Variants in RABGAP1 observed in about 807,000 individuals in gnomAD.
RABGAP1 encodes rab GTPase-activating protein 1.
Under a neutral mutation model 137.6 loss-of-function variants are expected in RABGAP1, and 23 were observed. The ratio of observed to expected loss-of-function variants is 0.17; its 90% CI spans 0.12 to 0.24. RABGAP1 has a LOEUF of 0.24. Ranked by LOEUF, RABGAP1 falls within the 10% of genes least tolerant of loss-of-function variation. The pLI is 1.00. For synonymous variants in RABGAP1, 451 were observed against 450.7 expected (o/e 1.00, Z -0.01); for missense variants, 906 against 1,275.8 (o/e 0.71, Z 4.42).
chr9:123,073,105 G>A (rs2034407615), intron 15 of RABGAP1, among the ~76,000 whole-genome samples: 1 of 152,140 alleles, frequency 6.6e-6, no homozygotes, highest in African/African-American at 2.4e-5. Context: ...GAATGAAATA[G>A]CAGCTAAGGG....
intron 13 of RABGAP1, among the ~76,000 whole-genome samples, chr9:123,057,111 C>T (rs1282377906): frequency 6.7e-6 from 1 of 149,404 alleles, no homozygotes; most frequent in Non-Finnish European, 1.5e-5. Context: ...GGGGCTGACC[C>T]CCCCACCTCC....
At chr9:122,965,340 A>G (rs537202520) in intron 2 of RABGAP1, among the ~76,000 whole-genome samples, 47 of 152,282 alleles carry the variant, frequency 3.1e-4, no homozygotes, top group African/African-American at 1.1e-3. Flanking sequence ...GGGAATAGAA[A>G]GGTGATAACT....
chr9:123,027,652 C>T, intron 13 of RABGAP1, among the ~76,000 whole-genome samples: 1 of 152,144 alleles, frequency 6.6e-6, no homozygotes, highest in African/African-American at 2.4e-5. Context: ...GAATGTTGGC[C>T]ATGGAGGAGG....
intron 2 of RABGAP1, 24 bp downstream of exon 2, chr9:122,957,233 G>T: frequency 6.7e-7 from 1 of 1,483,436 alleles, no homozygotes; most frequent in South Asian, 1.4e-5. Context: ...ACCTAAGATT[G>T]TTTTGCTTAG....
At chr9:122,992,099 C>T (rs538500507) in intron 6 of RABGAP1, among the ~76,000 whole-genome samples, 4 of 151,974 alleles carry the variant, frequency 2.6e-5, no homozygotes, top group South Asian at 2.1e-4. Context: ...TGTAGTGGCA[C>T]GATCACGGTT....
chr9:123,068,093 C>T (rs923952889), intron 14 of RABGAP1, among the ~76,000 whole-genome samples: 1 of 152,080 alleles, frequency 6.6e-6, no homozygotes, highest in Non-Finnish European at 1.5e-5. Flanking sequence ...CTTATGCTTA[C>T]AATCCCAGGA....
chr9:123,053,099 A>G (rs777158248), intron 13 of RABGAP1, among the ~76,000 whole-genome samples: 1 of 152,190 alleles, frequency 6.6e-6, no homozygotes, highest in Non-Finnish European at 1.5e-5. Flanking sequence ...TGGGTTCAGT[A>G]TTTAATTTTA....
chr9:122,972,615 A>G (rs1835527543), intron 2 of RABGAP1, among the ~76,000 whole-genome samples: 4 of 152,288 alleles, frequency 2.6e-5, no homozygotes, highest in Non-Finnish European at 1.5e-5. Flanking sequence ...TAAATAGGCT[A>G]TATCTCTTGA....
chr9:123,005,293 T>C (rs1352500694), intron 10 of RABGAP1, among the ~76,000 whole-genome samples: 1 of 151,698 alleles, frequency 6.6e-6, no homozygotes, highest in Non-Finnish European at 1.5e-5. Flanking sequence ...TTGGGATTTT[T>C]TTTTTTCCTT....
In RABGAP1 at chr9:123,015,525, G is replaced by A. The variant is rs376310540; in HGVS notation, c.1550-18G>A. ...TAGCCATCTCTGTTACCGTTTTTGT[G>A]TGTTTTGTTTATTATAGATAATGAT... On this transcript the variant is annotated intron_variant, in intron 11 of 25. Coordinates refer to ENST00000373647, the MANE Select transcript of RABGAP1 (RefSeq NM_012197.4). 31 of 1,529,580 alleles carry A rather than the reference G, an allele frequency of 2.0e-5. No homozygotes were observed. Among genetic ancestry groups the A allele is most frequent in the Admixed American group, 1.4e-4 (8 of 57,418 alleles). 94.8% of individuals were successfully genotyped at this position (1,529,580 alleles called of 1,614,324 possible). A position where few individuals can be genotyped will look rare whatever the true frequency, so the allele number is the denominator to read the frequency against.
chr9:122,950,514 C>T (rs777727779), intron 1 of RABGAP1, among the ~76,000 whole-genome samples: 1 of 151,252 alleles, frequency 6.6e-6, no homozygotes, highest in Non-Finnish European at 1.5e-5. Context: ...TTGAGATGAC[C>T]ATAGGACGCA....
rs565876968 is a variant in RABGAP1 at position 123,018,526 on chromosome 9, A to G, written c.1644-1783A>G. Among the ~76,000 whole-genome samples the G allele has an allele frequency of 2.0e-5, 3 of 152,338 alleles. No homozygotes were observed. In the East Asian group the frequency reaches 5.8e-4, roughly 29 times the overall value. On this transcript the variant is annotated intron_variant, in intron 12 of 25. Coordinates refer to ENST00000373647, the MANE Select transcript of RABGAP1 (RefSeq NM_012197.4). ...AAATAAGCATGACTGTGTTTCAGTA[A>G]AAGTTTATTTATGAGAACAGGTGAT...
chr9:122,986,115 T>C, intron 3 of RABGAP1, 100 bp from the exon 4 acceptor site: 1 of 1,097,710 alleles, frequency 9.1e-7, no homozygotes, highest in Non-Finnish European at 1.3e-6. Flanking sequence ...TAATACTTAA[T>C]TTTAGACCTT....
intron 14 of RABGAP1, among the ~76,000 whole-genome samples, chr9:123,069,800 C>T (rs559931956): frequency 1.7e-4 from 26 of 152,162 alleles, no homozygotes; most frequent in Middle Eastern, 3.4e-3. Context: ...AGCAGGATCC[C>T]TTGAGCCCAG....
Position 123,010,506 on chromosome 9 carries a change from TCCA to T in RABGAP1, c.1528_1530del (p.Pro510del). The T allele has an allele frequency of 6.2e-7, 1 of 1,613,628 alleles. No homozygotes were observed. Among genetic ancestry groups the T allele is most frequent in the Non-Finnish European group, 8.5e-7 (1 of 1,179,698 alleles). On this transcript the variant is annotated inframe_deletion, in exon 11 of 26. Coordinates refer to ENST00000373647, the MANE Select transcript of RABGAP1 (RefSeq NM_012197.4). ...CGCAAAGTTCAGTGATACCTTCTCC[TCCA>T]GAAGATGATGAAGAGGAAGGTAAAC...
At chr9:123,091,722 CTT>C (rs1229571710) in intron 21 of RABGAP1, among the ~76,000 whole-genome samples, 1 of 152,080 alleles carries the variant, frequency 6.6e-6, no homozygotes, top group Non-Finnish European at 1.5e-5. Context: ...GAAGGCTCCT[CTT>C]TGCAGTTTTT....
At chr9:122,984,414 T>C in intron 2 of RABGAP1, 71 bp from the exon 3 acceptor site, 1 of 1,242,004 alleles carries the variant, frequency 8.1e-7, no homozygotes, top group Admixed American at 2.2e-5. Context: ...TTCTTTAGAA[T>C]GTGAACCCAT....
At chr9:122,969,659 G>A (rs1172929886) in intron 2 of RABGAP1, among the ~76,000 whole-genome samples, 1 of 151,680 alleles carries the variant, frequency 6.6e-6, no homozygotes, top group Non-Finnish European at 1.5e-5. Context: ...AAAAAAAAAA[G>A]ATTTGTAGAG....
intron 12 of RABGAP1, among the ~76,000 whole-genome samples, chr9:123,019,933 C>T (rs990788492): frequency 6.6e-6 from 1 of 152,162 alleles, no homozygotes; most frequent in Non-Finnish European, 1.5e-5. Context: ...ATATACCCAC[C>T]TCGGCCTCCC....
Sources: gnomAD v4.1 joint callset for allele counts (sites outside exome capture counted in the v4.1 genomes callset) on GRCh38, gnomAD v4.1.1 for gene constraint, MANE v1.5 for transcripts, NCBI Gene and HGNC (gene_info 2026-07-23, HGNC 2026-07-21) for gene names.